THRAP3: variants seen among roughly 807,000 people sequenced by gnomAD.
The protein encoded by THRAP3 is thyroid hormone receptor associated protein 3.
Under a neutral mutation model 101.0 loss-of-function variants are expected in THRAP3, and 16 were observed. The ratio of observed to expected loss-of-function variants is 0.16; its 90% CI spans 0.11 to 0.24. THRAP3 has a LOEUF of 0.24. Ranked by LOEUF, THRAP3 falls within the 10% of genes least tolerant of loss-of-function variation. The pLI is 1.00. For synonymous variants in THRAP3, 407 were observed against 422.6 expected, an observed-to-expected ratio of 0.96 and a Z score of 0.45; for missense variants, 989 against 1,202.7, an observed-to-expected ratio of 0.82 and a Z score of 2.63.
rs1490421941 is a variant in THRAP3, at chr1:36,244,662, T to C, written c.-134-14720T>C. Among the ~76,000 whole-genome samples the C allele has an allele frequency of 4.6e-5, 7 of 152,156 alleles. No individual in the cohort carries two copies. In the East Asian group the frequency reaches 1.3e-3, roughly 29 times the overall value. On this transcript the variant is annotated intron_variant, in intron 1 of 11. Transcript: ENST00000354618. ...CCTGTGAGTTCTATTTCCATTGCTA[T>C]TGGATGCCTAGTGAGGAAAGCTCCT...
At chr1:36,280,146 C>T (rs554793113) in intron 2 of THRAP3, among the ~76,000 whole-genome samples, 37 of 152,232 alleles carry the variant, frequency 2.4e-4, no homozygotes, top group African/African-American at 7.9e-4. Context: ...GCAAGTCGAT[C>T]GTGGTTTGGA....
rs35044010 is a variant in THRAP3 at position 36,229,951 on chromosome 1, C to CTT, written c.-135+5466_-135+5467dup. Among the ~76,000 whole-genome samples, 10 of 59,278 alleles carry CTT rather than the reference C, an allele frequency of 1.7e-4. 1 individual carries two copies. Among genetic ancestry groups the CTT allele is most frequent in the African/African-American group, 4.8e-4 (8 of 16,560 alleles). 38.9% of individuals were successfully genotyped at this position (59,278 alleles called of 152,430 possible). On this transcript the variant is annotated intron_variant, in intron 1 of 11. Transcript: ENST00000354618. The stretch of plus-strand genomic sequence containing the variant: ...ATAGGCGTGAGCCATCGCGCCCAGC[C>CTT]TTTTTTTTTTTTTTTTTTTTTGAGA...
rs764544765 is a variant in THRAP3 at position 36,286,873 on chromosome 1, A to G, written c.643A>G (p.Lys215Glu). Residue 215 changes from lysine (K) to glutamate (E), a missense_variant, in exon 4 of 12, where the codon AAA becomes GAA. By Grantham distance (56) the Lys-to-Glu change is moderately conservative. Transcript: ENST00000354618. The surrounding 1 kb of genome is among the most constrained non-coding windows in gnomAD (Gnocchi z 5.5). Reference protein sequence around the residue: ...TFSGGTSQDTKASESSKPWPD... With the variant: ...TFSGGTSQDTEASESSKPWPD... ...CTCTGGAGGCACCTCTCAAGATACAAAAGCATCTGAGAGCTCGAAGCCATG... is the reference window on the plus strand; with the variant it reads ...CTCTGGAGGCACCTCTCAAGATACAGAAGCATCTGAGAGCTCGAAGCCATG... 8.7e-6 allele frequency: 14 copies of G among 1,613,992 alleles called. No individual in the cohort carries two copies. In the Admixed American group the frequency reaches 1.8e-4, roughly 21 times the overall value.
At chr1:36,269,005 T>A (rs999863643) in intron 2 of THRAP3, among the ~76,000 whole-genome samples, 1 of 152,280 alleles carries the variant, frequency 6.6e-6, no homozygotes, top group East Asian at 1.9e-4. Flanking sequence ...GGATTACAGG[T>A]ATGAGCCACC....
intron 2 of THRAP3, among the ~76,000 whole-genome samples, chr1:36,262,277 C>T (rs1645456387): frequency 6.6e-6 from 1 of 152,144 alleles, no homozygotes; most frequent in African/African-American, 2.4e-5. Context: ...ATTTCACGTG[C>T]TGAGTCTACA....
At chr1:36,255,253 C>T (rs1047680965) in intron 1 of THRAP3, among the ~76,000 whole-genome samples, 2 of 152,116 alleles carry the variant, frequency 1.3e-5, no homozygotes, top group Non-Finnish European at 2.9e-5. Flanking sequence ...CTTGTTACGC[C>T]TGGTGGTTTA....
At position 36,301,705 on chromosome 1, in the gene THRAP3, C is replaced by G. The variant is rs1166599957; in HGVS notation, c.2646+9C>G. 1 of 1,609,850 alleles carries G rather than the reference C, an allele frequency of 6.2e-7. No homozygotes were observed. The highest frequency in any genetic ancestry group is 2.2e-5 in the East Asian group (1 of 44,876). ...GCAAGAAGTATTACTTGGTATGTGT[C>G]TGGGGATAACCAGGAAGGGTTAGAG... On this transcript the variant is annotated intron_variant, in intron 11 of 11. Transcript: ENST00000354618.
chr1:36,213,263 ACCCT>A, the THRAP3 span, among the ~76,000 whole-genome samples: 428 of 151,968 alleles, frequency 2.8e-3, 5 homozygotes, highest in Admixed American at 4.9e-3. Context: ...TTGAGGAACA[ACCCT>A]CTGACTACCT....
rs1263913603 is a variant in THRAP3 at position 36,286,251 on chromosome 1, G to C, written c.138-117G>C. The stretch of plus-strand genomic sequence containing the variant: ...GATTAAATATTTGTGCCCTTGCTTT[G>C]AAAACAAAACTGAAAGTGAATGACA... On this transcript the variant is annotated intron_variant, in intron 3 of 11. Coordinates refer to ENST00000354618, the MANE Select transcript of THRAP3 (RefSeq NM_005119.4). The surrounding 1 kb of genome is among the most constrained non-coding windows in gnomAD (Gnocchi z 5.5). The C allele has an allele frequency of 1.8e-6, 2 of 1,095,002 alleles. No individual in the cohort carries two copies. The highest frequency in any genetic ancestry group is 3.2e-5 in the African/African-American group (2 of 63,030). The allele number at this position is 1,095,002 out of a possible 1,614,324, so 67.8% of individuals were successfully genotyped here.
chr1:36,219,032 CAAAAAAAA>C, the THRAP3 span, among the ~76,000 whole-genome samples: 2 of 64,714 alleles, frequency 3.1e-5, no homozygotes, highest in African/African-American at 4.3e-5. Context: ...GGCTCCATCT[CAAAAAAAA>C]AAAAAAAAAA....
In THRAP3 at chr1:36,304,241, A is replaced by G. The variant is rs1646067873; in HGVS notation, c.*224A>G. 2.0e-6 allele frequency: 1 copy of G among 489,014 alleles called. No individual in the cohort carries two copies. The allele number at this position is 489,014 out of a possible 1,614,324, so 30.3% of individuals were successfully genotyped here. A position where few individuals can be genotyped will look rare whatever the true frequency, so the allele number is the denominator to read the frequency against. On this transcript the variant is annotated 3_prime_UTR_variant, in exon 12 of 12. Transcript: ENST00000354618. Reference sequence around the variant, plus strand: ...GGGTCAGGCCCAGCTTTTGAGCAGAATACAACGCATTGGGCTTTAGCTGTT... The same window carrying G: ...GGGTCAGGCCCAGCTTTTGAGCAGAGTACAACGCATTGGGCTTTAGCTGTT...
chr1:36,283,270 A>G (rs994787920), intron 3 of THRAP3, among the ~76,000 whole-genome samples: 2 of 152,220 alleles, frequency 1.3e-5, no homozygotes, highest in African/African-American at 4.8e-5. Flanking sequence ...ATATGAGCAC[A>G]GTTCTTTTGA....
intron 11 of THRAP3, 76 bp downstream of exon 11, chr1:36,301,772 GT>G (rs1489073633): frequency 6.5e-7 from 1 of 1,530,374 alleles, no homozygotes. Context: ...GCCTTAATTA[GT>G]TTGTCCAAAA....
chr1:36,224,764 C>T (rs1466216224), intron 1 of THRAP3, among the ~76,000 whole-genome samples: 1 of 152,202 alleles, frequency 6.6e-6, no homozygotes, highest in East Asian at 1.9e-4. Flanking sequence ...GCAGCTCCTA[C>T]GCCGCTTTAT....
chr1:36,270,577 G>GTTTTTTTTTTTTTTT (rs869142351), intron 2 of THRAP3, among the ~76,000 whole-genome samples: 2 of 34,634 alleles, frequency 5.8e-5, no homozygotes, highest in East Asian at 8.9e-3. Flanking sequence ...TTAGGTTTTT[G>GTTTTTTTTTTTTTTT]TTTTTTTTTT....
At chr1:36,280,388 A>G (rs1282136541) in intron 2 of THRAP3, among the ~76,000 whole-genome samples, 1 of 152,216 alleles carries the variant, frequency 6.6e-6, no homozygotes, top group Non-Finnish European at 1.5e-5. Context: ...AGTAAACAAG[A>G]TAGTTTCACA....
intron 1 of THRAP3, among the ~76,000 whole-genome samples, chr1:36,252,946 AT>A: frequency 8.6e-6 from 1 of 115,952 alleles, no homozygotes; most frequent in South Asian, 2.6e-4. Flanking sequence ...ATATATATAT[AT>A]ATATATATAT....
intron 1 of THRAP3, among the ~76,000 whole-genome samples, chr1:36,235,750 AGAT>A (rs1324447248): frequency 6.6e-6 from 1 of 152,196 alleles, no homozygotes; most frequent in Non-Finnish European, 1.5e-5. Flanking sequence ...AGGTCCTTAA[AGAT>A]AAGAATAATC....
intron 2 of THRAP3, among the ~76,000 whole-genome samples, chr1:36,263,214 T>C (rs561618629): frequency 6.6e-6 from 1 of 152,112 alleles, no homozygotes; most frequent in South Asian, 2.1e-4. Flanking sequence ...ATCCTCCTGC[T>C]TCGGCCTCCT....
Sources: allele counts gnomAD v4.1 joint callset (sites outside exome capture counted in the v4.1 genomes callset), GRCh38; gene constraint gnomAD v4.1.1; non-coding constraint Gnocchi (gnomAD v3.1); transcripts MANE v1.5; gene names NCBI Gene and HGNC (gene_info 2026-07-23, HGNC 2026-07-21).